The following LRRC56 variants were observed in gnomAD, a reference collection of about 807,000 sequenced individuals.
LRRC56 encodes the protein leucine rich repeat containing 56, also known as leucine-rich repeat-containing protein 56.
LRRC56 carries 41 observed loss-of-function variants against 47.8 expected under a neutral mutation model. That is an observed-to-expected ratio of 0.86 (90% CI 0.67 to 1.11). The LOEUF is 1.11. Among genes scored for constraint, LRRC56 ranks in the 50% most tolerant of loss-of-function variants. LRRC56 has a pLI of 0.00. For missense variants in LRRC56, 759 were observed against 704.2 expected, an observed-to-expected ratio of 1.08 and a Z score of -0.88; for synonymous variants, 387 against 311.2, an observed-to-expected ratio of 1.24 and a Z score of -2.56.
At position 541,016 on chromosome 11, in the gene LRRC56, T is replaced by A. The variant is rs1851767359; in HGVS notation, c.177+155T>A. ...TCAGCCCAGCCCCTGCAGCTGGGTC[T>A]GCTCCACCCACTCTGCCCTTGGGAC... On this transcript the variant is annotated intron_variant, in intron 4 of 13. Transcript: ENST00000270115. This position sits in a 1 kb window ranked among gnomAD's most constrained non-coding sequence, Gnocchi z 4.1. Among the ~76,000 whole-genome samples the A allele has an allele frequency of 6.6e-6, 1 of 152,126 alleles. No individual in the cohort carries two copies. Among genetic ancestry groups the A allele is most frequent in the African/African-American group, 2.4e-5 (1 of 41,422 alleles).
At chr11:517,369 T>C in the LRRC56 span, among the ~76,000 whole-genome samples, 23,827 of 145,874 alleles carry the variant, frequency 0.16, 2,157 homozygotes, top group African/African-American at 0.25. Context: ...TGGGCGCCTC[T>C]GCCCAGCTGC....
At chr11:552,314 C>T in intron 12 of LRRC56, 82 bp downstream of exon 12, 2 of 1,526,470 alleles carry the variant, frequency 1.3e-6, no homozygotes, top group South Asian at 1.2e-5. Flanking sequence ...GCTGAGTCAT[C>T]CCCAGTCCCA....
At chr11:544,876 G>T in intron 6 of LRRC56, 96 bp downstream of exon 6, 1 of 1,186,572 alleles carries the variant, frequency 8.4e-7, no homozygotes, top group South Asian at 1.2e-5. Context: ...TGGGAGTGGG[G>T]GGACTTGGGC....
upstream of LRRC56, chr11:535,264 C>T (rs1851401620): frequency 1.4e-5 from 2 of 145,216 alleles, no homozygotes; most frequent in South Asian, 1.8e-4. Flanking sequence ...CACCTGTGCC[C>T]GCGGGCCCCG....
chr11:518,943 C>T, the LRRC56 span, among the ~76,000 whole-genome samples: 126 of 152,206 alleles, frequency 8.3e-4, no homozygotes, highest in Non-Finnish European at 1.2e-3. Flanking sequence ...GGAAACCCCG[C>T]CCCCAAACCG....
Position 550,221 on chromosome 11 carries a change from C to T in LRRC56, c.573C>T (p.Thr191=), listed in dbSNP as rs1334328018. The T allele has an allele frequency of 1.2e-6, 2 of 1,612,052 alleles. No individual in the cohort carries two copies. The highest frequency in any genetic ancestry group is 2.2e-5 in the East Asian group (1 of 44,862). The part of the protein sequence containing the change: ...LQLCPRLAML[T]LEGNLVCLQP... ...TGTGCCCACGCCTGGCCATGCTCAC[C>T]CTGGAGGGCAACCTGGTGTGCCTAC... Residue 191 remains threonine (T), a synonymous_variant, in exon 8 of 14, where the codon ACC becomes ACT. Transcript: ENST00000270115.
chr11:535,561 A>G (rs1454324528), upstream of LRRC56: 2 of 147,552 alleles, frequency 1.4e-5, no homozygotes, highest in Non-Finnish European at 3.0e-5. Context: ...CGGGCGGCGG[A>G]GACTCGGGCG....
chr11:518,509 G>A, the LRRC56 span, among the ~76,000 whole-genome samples: 14,852 of 152,048 alleles, frequency 0.098, 1,008 homozygotes, highest in Admixed American at 0.19. Flanking sequence ...TTGTATTGTT[G>A]GTAGAGATGG....
In LRRC56 at chr11:554,379, G is replaced by A. The variant is rs1417101990; in HGVS notation, c.*103G>A. 9.4e-7 allele frequency: 1 copy of A among 1,067,400 alleles called. No homozygotes were observed. Among genetic ancestry groups the A allele is most frequent in the Non-Finnish European group, 1.3e-6 (1 of 797,480 alleles). 66.1% of individuals were successfully genotyped at this position (1,067,400 alleles called of 1,614,324 possible). A position where few individuals can be genotyped will look rare whatever the true frequency, so the allele number is the denominator to read the frequency against. ...TGGGCGGGTGTGTTGGGGGGTGGAA[G>A]GAGTGCCTGGCCCTGGGGAGGACCC... On this transcript the variant is annotated 3_prime_UTR_variant, in exon 14 of 14. Transcript: ENST00000270115.
upstream of LRRC56, chr11:533,253 GC>G (rs760242693): frequency 6.4e-7 from 1 of 1,553,730 alleles, no homozygotes; most frequent in East Asian, 2.4e-5. Flanking sequence ...CTCCCTCACT[GC>G]CCTGCCGTCC....
upstream of LRRC56, chr11:533,685 ACAGGAGGCCCCTGCCTGGACG>A (rs1246233335): frequency 6.2e-7 from 1 of 1,611,162 alleles, no homozygotes; most frequent in Non-Finnish European, 8.5e-7. Context: ...CGCAGAGAGG[ACAGGAGGCCCCTGCCTGGACG>A]CAGCCGGCCT....
the LRRC56 span, among the ~76,000 whole-genome samples, chr11:522,433 T>C: frequency 6.6e-6 from 1 of 151,858 alleles, no homozygotes; most frequent in Admixed American, 6.6e-5. Context: ...GCCTGGCTAA[T>C]TTTTTGTATT....
upstream of LRRC56, chr11:533,888 C>G (rs2133991200): frequency 6.2e-7 from 1 of 1,613,314 alleles, no homozygotes; most frequent in Non-Finnish European, 8.5e-7. Flanking sequence ...CGGCGGTATC[C>G]AGGATGTCCA....
chr11:527,076 C>T, the LRRC56 span, among the ~76,000 whole-genome samples: 1 of 152,070 alleles, frequency 6.6e-6, no homozygotes, highest in Admixed American at 6.6e-5. Context: ...CCGAGGCGGG[C>T]AGATCATGAG....
At chr11:512,925 C>T in the LRRC56 span, among the ~76,000 whole-genome samples, 1 of 152,202 alleles carries the variant, frequency 6.6e-6, no homozygotes, top group Non-Finnish European at 1.5e-5. Flanking sequence ...GTGGGAGTTA[C>T]TACCCCTTTC....
chr11:551,945 G>A lies in LRRC56; in HGVS notation c.1016G>A (p.Arg339Gln), dbSNP rs558302518. The part of the protein sequence containing the change: ...VLCGNPTKGL[R>Q]ERRHQCQARE... ...TGTGGGAACCCCACCAAGGGCCTGCGGGAGCGTAGGCACCAGTGCCAGGTA... is the reference window on the plus strand; with the variant it reads ...TGTGGGAACCCCACCAAGGGCCTGCAGGAGCGTAGGCACCAGTGCCAGGTA... The change falls in exon 11 of 14, where the codon CGG (arginine) becomes CAG (glutamine). Residue 339 changes from arginine (R) to glutamine (Q), a missense_variant. Physicochemically the swap from Arg to Gln is conservative, Grantham distance 43 (BLOSUM62 1). Coordinates refer to ENST00000270115, the MANE Select transcript of LRRC56 (RefSeq NM_198075.4). The A allele has an allele frequency of 3.7e-5, 60 of 1,612,696 alleles. No individual in the cohort carries two copies. The highest frequency in any genetic ancestry group is 1.6e-4 in the East Asian group (7 of 44,880).
rs1453356054 is a variant in LRRC56, at chr11:554,325, A to C, written c.*49A>C. 2 of 1,430,736 alleles carry C rather than the reference A, an allele frequency of 1.4e-6. No individual in the cohort carries two copies. The highest frequency in any genetic ancestry group is 2.5e-5 in the Admixed American group (1 of 40,510). The allele number at this position is 1,430,736 out of a possible 1,614,324, so 88.6% of individuals were successfully genotyped here. A position where few individuals can be genotyped will look rare whatever the true frequency, so the allele number is the denominator to read the frequency against. On this transcript the variant is annotated 3_prime_UTR_variant, in exon 14 of 14. Transcript: ENST00000270115. ...CCTGTGCTGGGGCCACGACTTGCCC[A>C]CATATGTGGTCACAGAGCACAGAAT...
chr11:508,168 T>G, the LRRC56 span, among the ~76,000 whole-genome samples: 1 of 152,228 alleles, frequency 6.6e-6, no homozygotes, highest in Non-Finnish European at 1.5e-5. Context: ...ACTGCCTTTA[T>G]TAGGTATTTG....
rs954310373 is a variant in LRRC56 at position 542,624 on chromosome 11, G to A, written c.265+1000G>A. On this transcript the variant is annotated intron_variant, in intron 5 of 13. Transcript: ENST00000270115. ...AAAAAACACTCCCTCCCCGCCCTCC[G>A]CCAGGTTCCTTCTCTTTCGCCGTGT... Among the ~76,000 whole-genome samples the A allele has an allele frequency of 7.9e-5, 7 of 88,990 alleles. No homozygotes were observed. In the East Asian group the frequency reaches 9.2e-4, roughly 12 times the overall value. The allele number at this position is 88,990 out of a possible 152,430, so 58.4% of individuals were successfully genotyped here.
Sources: allele counts gnomAD v4.1 joint callset (sites outside exome capture counted in the v4.1 genomes callset), GRCh38; gene constraint gnomAD v4.1.1; non-coding constraint Gnocchi (gnomAD v3.1); transcripts MANE v1.5; gene names NCBI Gene and HGNC (gene_info 2026-07-23, HGNC 2026-07-21).